SLC25A28: variants seen among roughly 807,000 people sequenced by gnomAD.
SLC25A28 encodes solute carrier family 25 member 28, also known as mitoferrin-2.
SLC25A28 carries 10 observed loss-of-function variants against 31.9 expected under a neutral mutation model. The observed-to-expected ratio is 0.31, with a 90% CI of 0.19 to 0.53. The LOEUF is 0.53. Among genes scored for constraint, SLC25A28 ranks in the 20% least tolerant of loss-of-function variants. The probability of loss-of-function intolerance (pLI) is 0.95; values close to 1 mark genes in which losing one functional copy is unlikely to be tolerated. For missense variants in SLC25A28, 256 were observed against 490.3 expected, an observed-to-expected ratio of 0.52 and a Z score of 4.51; for synonymous variants, 208 against 203.6, an observed-to-expected ratio of 1.02 and a Z score of -0.19.
chr10:99,659,069 G>A, the SLC25A28 span, among the ~76,000 whole-genome samples: 494 of 152,324 alleles, frequency 3.2e-3, 3 homozygotes, highest in African/African-American at 0.011. The surrounding 1 kb of genome is among the most constrained non-coding windows in gnomAD (Gnocchi z 4.1). Flanking sequence ...GGTAGGGAGG[G>A]TCAGTGGGCA....
upstream of SLC25A28, chr10:99,620,640 T>C: frequency 1.0e-6 from 1 of 991,252 alleles, no homozygotes; most frequent in Non-Finnish European, 1.2e-6. Flanking sequence ...AAGCTTCTTG[T>C]TTATTGGTCA....
rs1276923853 is a variant in SLC25A28, at chr10:99,610,781, C to G, written c.*68G>C. On this transcript the variant is annotated 3_prime_UTR_variant, in exon 4 of 4. Coordinates refer to ENST00000370495, the MANE Select transcript of SLC25A28 (RefSeq NM_031212.4). Reference sequence around the variant, plus strand: ...AACTCCACTTGAGGTGGGAGCATTCCAGGAGACAGAGAATGTGACCAGGAT... The same window carrying G: ...AACTCCACTTGAGGTGGGAGCATTCGAGGAGACAGAGAATGTGACCAGGAT... The G allele has an allele frequency of 1.3e-5, 20 of 1,549,536 alleles. No homozygotes were observed.
At position 99,611,347 on chromosome 10, in the gene SLC25A28, C is replaced by T; in HGVS notation, c.597G>A (p.Gln199=). ...NPAEVVKQRM[Q]MYNSPYHRVT... is the part of the protein sequence containing the mutation. ...CCCGGTGGTATGGTGAGTTGTACAT[C>T]TGCATCCTCTGCTTGACCACTAGTA... Residue 199 remains glutamine, a synonymous_variant, in exon 4 of 4, where the codon CAG becomes CAA. Transcript: ENST00000370495. The surrounding 1 kb of genome is among the most constrained non-coding windows in gnomAD (Gnocchi z 5.5). 6.2e-7 allele frequency: 1 copy of T among 1,614,062 alleles called. No individual in the cohort carries two copies. The highest frequency in any genetic ancestry group is 1.1e-5 in the South Asian group (1 of 91,066).
chr10:99,642,248 A>G, the SLC25A28 span, among the ~76,000 whole-genome samples: 1 of 152,156 alleles, frequency 6.6e-6, no homozygotes, highest in Non-Finnish European at 1.5e-5. Context: ...TTCATTGAGC[A>G]GTGGTTTGTA....
In SLC25A28 at chr10:99,610,531, A is replaced by C; in HGVS notation, c.*318T>G. ...AAACCCAATGAAACCATTTAATTTAAAGGCTTTTTATTAGGAACCAGGGGA... is the reference window on the plus strand; with the variant it reads ...AAACCCAATGAAACCATTTAATTTACAGGCTTTTTATTAGGAACCAGGGGA... On this transcript the variant is annotated 3_prime_UTR_variant, in exon 4 of 4. Transcript: ENST00000370495. The C allele has an allele frequency of 3.5e-6, 1 of 285,126 alleles. No individual in the cohort carries two copies. 17.7% of individuals were successfully genotyped at this position (285,126 alleles called of 1,614,324 possible).
At chr10:99,619,786 G>A (rs946436189) in intron 1 of SLC25A28, among the ~76,000 whole-genome samples, 1 of 152,236 alleles carries the variant, frequency 6.6e-6, no homozygotes, top group Non-Finnish European at 1.5e-5. Flanking sequence ...GGGGTCCAGG[G>A]CTTTGGCTGA....
chr10:99,639,615 T>C, the SLC25A28 span, among the ~76,000 whole-genome samples: 1 of 151,842 alleles, frequency 6.6e-6, no homozygotes, highest in Non-Finnish European at 1.5e-5. Flanking sequence ...CTCAACCTCA[T>C]TGCTTCATGA....
At chr10:99,656,338 T>C in the SLC25A28 span, among the ~76,000 whole-genome samples, 3 of 152,120 alleles carry the variant, frequency 2.0e-5, no homozygotes, top group Admixed American at 6.5e-5. Context: ...TAGTGACTCA[T>C]TGGATGGAAA....
chr10:99,618,461 C>A (rs977368871), intron 1 of SLC25A28: 1 of 985,306 alleles, frequency 1.0e-6, no homozygotes, highest in African/African-American at 1.7e-5. Flanking sequence ...GGTTACTCTG[C>A]AGCTAGATTA....
chr10:99,616,980 T>G lies in SLC25A28; in HGVS notation c.292-3056A>C, dbSNP rs1005077188. ...CAAGAAAATCAAATAAGCTAATGTT[T>G]CCATTTCCTAATCTTTCACAGGTGA... On this transcript the variant is annotated intron_variant, in intron 1 of 3. Transcript: ENST00000370495. The G allele has an allele frequency of 6.1e-6, 6 of 985,124 alleles. No individual in the cohort carries two copies. The African/African-American group carries it at 7.0e-5, about 11-fold the overall frequency. The allele number at this position is 985,124 out of a possible 1,614,324, so 61.0% of individuals were successfully genotyped here. A position where few individuals can be genotyped will look rare whatever the true frequency, so the allele number is the denominator to read the frequency against.
At chr10:99,646,154 A>C in the SLC25A28 span, among the ~76,000 whole-genome samples, 2 of 152,200 alleles carry the variant, frequency 1.3e-5, no homozygotes, top group Non-Finnish European at 2.9e-5. Context: ...GCCTGCCCCC[A>C]GAGGTGGAGT....
At chr10:99,635,928 G>C in the SLC25A28 span, among the ~76,000 whole-genome samples, 1 of 152,076 alleles carries the variant, frequency 6.6e-6, no homozygotes, top group East Asian at 1.9e-4. Flanking sequence ...TATCACAATC[G>C]TAAACATATA....
chr10:99,617,638 C>T, intron 1 of SLC25A28: 6 of 985,462 alleles, frequency 6.1e-6, no homozygotes, highest in Non-Finnish European at 7.2e-6. Context: ...CTCACTGACA[C>T]TAAATCATAC....
the SLC25A28 span, among the ~76,000 whole-genome samples, chr10:99,655,004 A>G: frequency 6.6e-6 from 1 of 152,248 alleles, no homozygotes; most frequent in East Asian, 1.9e-4. Flanking sequence ...ACTCAGCCTT[A>G]TGAGCTGTTA....
chr10:99,654,013 G>A, the SLC25A28 span: 1 of 152,214 alleles, frequency 6.6e-6, no homozygotes, highest in Non-Finnish European at 1.5e-5. Flanking sequence ...AGTTTTTAAG[G>A]ATATGTAGGA....
At position 99,611,915 on chromosome 10, in the gene SLC25A28, T is replaced by C. The variant is rs1362776630; in HGVS notation, c.578-549A>G. On this transcript the variant is annotated intron_variant, in intron 3 of 3. Coordinates refer to ENST00000370495, the MANE Select transcript of SLC25A28 (RefSeq NM_031212.4). This position sits in a 1 kb window ranked among gnomAD's most constrained non-coding sequence, Gnocchi z 5.5. ...CTCCCACTCCCTCAAGTAGATAACA[T>C]GGTGTGAGCTCTGTGGAGCTTCAGC... Among the ~76,000 whole-genome samples the C allele has an allele frequency of 1.3e-5, 2 of 152,234 alleles. No individual in the cohort carries two copies. The highest frequency in any genetic ancestry group is 2.1e-4 in the South Asian group (1 of 4,832).
At chr10:99,614,002 C>CT in intron 1 of SLC25A28, 78 bp from the exon 2 acceptor site, 1 of 1,450,014 alleles carries the variant, frequency 6.9e-7, no homozygotes, top group Admixed American at 2.6e-5. Context: ...GGCAGACCTT[C>CT]TACATGGAGC....
chr10:99,620,289 G>T lies in SLC25A28; in HGVS notation c.47C>A (p.Ala16Glu). 8.6e-7 allele frequency: 1 copy of T among 1,161,558 alleles called. No homozygotes were observed. The highest frequency in any genetic ancestry group is 1.1e-6 in the Non-Finnish European group (1 of 949,688). 72.0% of individuals were successfully genotyped at this position (1,161,558 alleles called of 1,614,324 possible). A position where few individuals can be genotyped will look rare whatever the true frequency, so the allele number is the denominator to read the frequency against. The change falls in exon 1 of 4, where the codon GCG becomes GAG. Residue 16 changes from alanine (A) to glutamate (E), a missense_variant. Coordinates refer to ENST00000370495, the MANE Select transcript of SLC25A28 (RefSeq NM_031212.4). ...CCCGGGGCTCCGCCCGGGCCCTGCC[G>T]CCGGCCCCCCCGCCACACCGCCAGC... ...RGAGGVAGGP[A>E]AGPGRSPGES...
chr10:99,614,755 C>A (rs1419465622), intron 1 of SLC25A28, among the ~76,000 whole-genome samples: 2 of 152,100 alleles, frequency 1.3e-5, no homozygotes, highest in South Asian at 2.1e-4. Flanking sequence ...TTCAAAACAC[C>A]TCCCTAAATT....
Sources: gnomAD v4.1 joint callset for allele counts (sites outside exome capture counted in the v4.1 genomes callset) on GRCh38, gnomAD v4.1.1 for gene constraint, Gnocchi (gnomAD v3.1) non-coding constraint, MANE v1.5 for transcripts, NCBI Gene and HGNC (gene_info 2026-07-23, HGNC 2026-07-21) for gene names.